Variants in COLGALT2 observed in about 807,000 individuals in gnomAD.
COLGALT2 encodes the protein procollagen galactosyltransferase 2.
A neutral mutation model predicts 73.4 loss-of-function variants in COLGALT2; 49 were observed. The observed-to-expected ratio is 0.67, with a 90% CI of 0.53 to 0.85. COLGALT2 has a LOEUF of 0.85. Among genes scored for constraint, COLGALT2 ranks in the 40% least tolerant of loss-of-function variants. The pLI is 0.00. For missense variants in COLGALT2, 722 were observed against 790.2 expected, an observed-to-expected ratio of 0.91 and a Z score of 1.03; for synonymous variants, 295 against 307.6, an observed-to-expected ratio of 0.96 and a Z score of 0.43.
At position 184,037,151 on chromosome 1, in the gene COLGALT2, C is replaced by T. The variant is rs1206334973; in HGVS notation, c.207G>A (p.Pro69=). The change falls in exon 1 of 12, where the codon CCG becomes CCA. Residue 69 remains proline, a synonymous_variant. Coordinates refer to ENST00000361927, the MANE Select transcript of COLGALT2 (RefSeq NM_015101.4). ...GCCGCTCCAGGCAGCCGAGGAAGTG[C>T]GGCAGCGTGTGCGCCGCGTTGCGGG... The part of the protein sequence containing the change: ...VLARNAAHTL[P]HFLGCLERLD... 1.9e-6 allele frequency: 3 copies of T among 1,600,358 alleles called. No homozygotes were observed.
intron 6 of COLGALT2, among the ~76,000 whole-genome samples, chr1:183,958,382 T>C (rs1009251328): frequency 1.3e-5 from 2 of 152,156 alleles, no homozygotes; most frequent in African/African-American, 4.8e-5. Flanking sequence ...GGGAGAAACA[T>C]ACACAATTGT....
At chr1:183,935,484 C>T (rs940429122), downstream of COLGALT2, among the ~76,000 whole-genome samples, 4 of 152,182 alleles carry the variant, frequency 2.6e-5, no homozygotes, top group Non-Finnish European at 5.9e-5. Context: ...CAGGAAAAAG[C>T]TCTTTGGCCT....
At chr1:184,011,046 A>G (rs1178758825) in intron 1 of COLGALT2, among the ~76,000 whole-genome samples, 2 of 152,222 alleles carry the variant, frequency 1.3e-5, no homozygotes, top group Non-Finnish European at 2.9e-5. Context: ...GGAGGAGGCC[A>G]TTACTTGACA....
chr1:183,975,085 A>G lies in COLGALT2; in HGVS notation c.492+12T>C, dbSNP rs758552535. On this transcript the variant is annotated intron_variant, in intron 3 of 11. Coordinates refer to ENST00000361927, the MANE Select transcript of COLGALT2 (RefSeq NM_015101.4). ...GATGACAGTTGTCAAGAAATCAAAC[A>G]TCTGTTTTTACCAGAATGTAGTCTG... 3 of 1,575,338 alleles carry G rather than the reference A, an allele frequency of 1.9e-6. No individual in the cohort carries two copies. Among genetic ancestry groups the G allele is most frequent in the Admixed American group, 1.7e-5 (1 of 59,902 alleles).
intron 7 of COLGALT2, 110 bp downstream of exon 7, chr1:183,954,652 C>A (rs1670503747): frequency 3.9e-6 from 3 of 769,826 alleles, no homozygotes; most frequent in Non-Finnish European, 6.5e-6. Context: ...ATTTCAGCAG[C>A]CAAGCCAGTC....
chr1:183,940,871 A>C (rs1232759935), intron 10 of COLGALT2, 84 bp from the exon 11 acceptor site: 35 of 1,149,498 alleles, frequency 3.0e-5, no homozygotes, highest in Non-Finnish European at 4.5e-5. Flanking sequence ...GTTTACATAG[A>C]TACCTCTGAA....
Position 183,937,633 on chromosome 1 carries a change from G to T in COLGALT2, c.*1128C>A. The T allele has an allele frequency of 1.0e-6, 1 of 985,304 alleles. No individual in the cohort carries two copies. The highest frequency in any genetic ancestry group is 1.2e-6 in the Non-Finnish European group (1 of 829,930). 61.0% of individuals were successfully genotyped at this position (985,304 alleles called of 1,614,324 possible). On this transcript the variant is annotated 3_prime_UTR_variant, in exon 12 of 12. Transcript: ENST00000361927. The stretch of plus-strand genomic sequence containing the variant: ...AGGCCTCCCCACAAGAGCCTGGCTG[G>T]GAAATTCAGGAGAATCAGATTGCCG...
At chr1:184,005,065 T>A (rs182866631) in intron 1 of COLGALT2, among the ~76,000 whole-genome samples, 1 of 152,358 alleles carries the variant, frequency 6.6e-6, no homozygotes, top group Non-Finnish European at 1.5e-5. Context: ...GATGGAATGC[T>A]GGCTGAGGGC....
intron 2 of COLGALT2, among the ~76,000 whole-genome samples, chr1:183,976,583 A>G (rs1671197540): frequency 6.6e-6 from 1 of 152,196 alleles, no homozygotes; most frequent in Admixed American, 6.5e-5. Flanking sequence ...CATTTATAAT[A>G]GTAAGTTTTA....
At chr1:184,016,474 G>A (rs1649002694) in intron 1 of COLGALT2, among the ~76,000 whole-genome samples, 1 of 152,210 alleles carries the variant, frequency 6.6e-6, no homozygotes, top group South Asian at 2.1e-4. Flanking sequence ...AGAACAGCTG[G>A]TGTGTGAGGT....
intron 1 of COLGALT2, among the ~76,000 whole-genome samples, chr1:183,979,741 G>C (rs993710716): frequency 6.6e-6 from 1 of 152,004 alleles, no homozygotes. Context: ...AATAATAAGA[G>C]ATATTAACAT....
rs534486400 is a variant in COLGALT2 at position 183,938,886 on chromosome 1, C to G, written c.1756G>C (p.Asp586His). 1 of 1,614,126 alleles carries G rather than the reference C, an allele frequency of 6.2e-7. No homozygotes were observed. Among genetic ancestry groups the G allele is most frequent in the Non-Finnish European group, 8.5e-7 (1 of 1,180,034 alleles). ...TIWDNETVAT[D>H]WDRTHAWKSR... ...TTCCAGGCATGTGTCCTATCCCAGT[C>G]GGTGGCCACTGTCTCATTGTCCCAG... Residue 586 changes from aspartate to histidine, a missense_variant, in exon 12 of 12, where the codon GAC becomes CAC. Coordinates refer to ENST00000361927, the MANE Select transcript of COLGALT2 (RefSeq NM_015101.4).
At chr1:183,990,696 C>G (rs2102829628) in intron 1 of COLGALT2, among the ~76,000 whole-genome samples, 1 of 152,246 alleles carries the variant, frequency 6.6e-6, no homozygotes, top group East Asian at 1.9e-4. Context: ...GAAAAAGGAA[C>G]AACATATGTG....
At chr1:183,987,520 G>C (rs1671521165) in intron 1 of COLGALT2, among the ~76,000 whole-genome samples, 1 of 152,210 alleles carries the variant, frequency 6.6e-6, no homozygotes, top group Non-Finnish European at 1.5e-5. Context: ...CATGCTTCCA[G>C]CACTGTGCTT....
intron 1 of COLGALT2, among the ~76,000 whole-genome samples, chr1:183,997,591 C>T (rs577761969): frequency 6.6e-6 from 1 of 152,218 alleles, no homozygotes; most frequent in East Asian, 1.9e-4. Context: ...GCAAAAACAA[C>T]CTCATAATGT....
At chr1:183,981,597 C>T (rs1671353642) in intron 1 of COLGALT2, among the ~76,000 whole-genome samples, 2 of 152,102 alleles carry the variant, frequency 1.3e-5, no homozygotes, top group Admixed American at 1.3e-4. Flanking sequence ...GTGGAGATTG[C>T]AGTCAGCCGA....
chr1:184,010,432 G>A (rs991006864), intron 1 of COLGALT2, among the ~76,000 whole-genome samples: 31 of 152,332 alleles, frequency 2.0e-4, no homozygotes, highest in Non-Finnish European at 3.8e-4. Context: ...CAGCCTGGGA[G>A]AGCTTCGCTA....
At chr1:183,959,621 C>A (rs563315503) in intron 6 of COLGALT2, among the ~76,000 whole-genome samples, 12 of 152,102 alleles carry the variant, frequency 7.9e-5, no homozygotes, top group African/African-American at 2.9e-4. Context: ...ACCATCATGT[C>A]CCACCAGGAG....
At chr1:184,015,705 T>C (rs554148085) in intron 1 of COLGALT2, among the ~76,000 whole-genome samples, 1 of 152,296 alleles carries the variant, frequency 6.6e-6, no homozygotes, top group African/African-American at 2.4e-5. Context: ...TTAGGGAAGA[T>C]GCTCTAGAAG....
Sources: allele counts gnomAD v4.1 joint callset (sites outside exome capture counted in the v4.1 genomes callset), GRCh38; gene constraint gnomAD v4.1.1; transcripts MANE v1.5; gene names NCBI Gene and HGNC (gene_info 2026-07-23, HGNC 2026-07-21).